Variants in CLIC2 observed in about 807,000 individuals in gnomAD.
The protein encoded by CLIC2 is CLIC family member 2.
In CLIC2, 9 loss-of-function variants were observed where a neutral mutation model predicts 14.8. The ratio of observed to expected loss-of-function variants is 0.61; its 90% CI spans 0.37 to 1.06. CLIC2 has a LOEUF of 1.06. Ranked by LOEUF, CLIC2 falls within the 50% of genes least tolerant of loss-of-function variation. CLIC2 has a pLI of 0.01. For missense variants in CLIC2, 148 were observed against 181.4 expected, an observed-to-expected ratio of 0.82 and a Z score of 1.06; for synonymous variants, 61 against 66.3, an observed-to-expected ratio of 0.92 and a Z score of 0.39.
intron 1 of CLIC2, among the ~76,000 whole-genome samples, chrX:155,315,699 A>G (rs1250890173): frequency 1.8e-5 from 2 of 110,900 alleles, no homozygotes; most frequent in Non-Finnish European, 3.8e-5. Flanking sequence ...CAATAACACA[A>G]TGAAAAAAAA....
intron 1 of CLIC2, among the ~76,000 whole-genome samples, chrX:155,313,676 G>A (rs2075083077): frequency 8.9e-6 from 1 of 112,248 alleles, no homozygotes; most frequent in Non-Finnish European, 1.9e-5. Flanking sequence ...CAGGGAAGCT[G>A]AGATAATCCA....
rs142460324 is a variant in CLIC2, at chrX:155,307,009, G to T, written c.58-7864C>A. Reference sequence around the variant, plus strand: ...AATTTTATATGCACTTGAGTTTATTGGTGGACCCTCTTTCTTCACTTACTC... The same window carrying T: ...AATTTTATATGCACTTGAGTTTATTTGTGGACCCTCTTTCTTCACTTACTC... On this transcript the variant is annotated intron_variant, in intron 1 of 5. Transcript: ENST00000369449. 7.0e-3 allele frequency among the ~76,000 whole-genome samples: 776 copies of T among 111,353 alleles called. 6 individuals are homozygous for T. The highest frequency in any genetic ancestry group is 0.024 in the African/African-American group (735 of 30,611).
In CLIC2 at chrX:155,334,604, C is replaced by T. The variant is rs782482486; in HGVS notation, c.-177G>A. ...CAGTCTCTTCTCTCAAGAGGTGTGA[C>T]GCAGAAAATTCTAGATGCTTAAGTG... On this transcript the variant is annotated 5_prime_UTR_variant, in exon 1 of 6. Coordinates refer to ENST00000369449, the MANE Select transcript of CLIC2 (RefSeq NM_001289.6). The T allele has an allele frequency of 3.9e-5, 18 of 456,922 alleles. No homozygotes were observed. Among genetic ancestry groups the T allele is most frequent in the South Asian group, 1.0e-4 (3 of 29,641 alleles). 37.7% of individuals were successfully genotyped at this position (456,922 alleles called of 1,213,427 possible). A position where few individuals can be genotyped will look rare whatever the true frequency, so the allele number is the denominator to read the frequency against.
Position 155,313,216 on chromosome X carries a change from C to T in CLIC2, c.58-14071G>A, listed in dbSNP as rs868922638. 5.1e-5 allele frequency among the ~76,000 whole-genome samples: 4 copies of T among 78,340 alleles called. No individual in the cohort carries two copies. In the South Asian group the frequency reaches 2.5e-3, roughly 49 times the overall value. The allele number at this position is 78,340 out of a possible 115,157, so 68.0% of individuals were successfully genotyped here. On this transcript the variant is annotated intron_variant, in intron 1 of 5. Coordinates refer to ENST00000369449, the MANE Select transcript of CLIC2 (RefSeq NM_001289.6). ...ATAAGGCAAAAAAAAAAAAAAAAAA[C>T]AAAACTACTGTCAAAGTTGCAGGGA... is the stretch of plus-strand genomic sequence containing the variant.
At chrX:155,305,503 C>T (rs980656671) in intron 1 of CLIC2, among the ~76,000 whole-genome samples, 1 of 112,123 alleles carries the variant, frequency 8.9e-6, no homozygotes, top group African/African-American at 3.2e-5. Flanking sequence ...GAACCCGGTA[C>T]CTCAGATGGA....
At chrX:155,326,514 C>T (rs781999558) in intron 1 of CLIC2, among the ~76,000 whole-genome samples, 1 of 111,994 alleles carries the variant, frequency 8.9e-6, no homozygotes, top group African/African-American at 3.2e-5. Context: ...CACTGGAAAG[C>T]ACTTTGGCAA....
chrX:155,280,998 T>TATATATATATATATATATAG (rs1363055833), intron 3 of CLIC2, among the ~76,000 whole-genome samples: 11 of 103,775 alleles, frequency 1.1e-4, no homozygotes, highest in African/African-American at 3.8e-4. Context: ...GAGATATATA[T>TATATATATATATATATATAG]ATATATATAT....
At chrX:155,321,171 C>T (rs1242668250) in intron 1 of CLIC2, among the ~76,000 whole-genome samples, 1 of 111,833 alleles carries the variant, frequency 8.9e-6, no homozygotes, top group Non-Finnish European at 1.9e-5. Flanking sequence ...CTTCCCCAAC[C>T]TAGCAAGGCA....
chrX:155,331,349 A>G (rs900325093), intron 1 of CLIC2, among the ~76,000 whole-genome samples: 2 of 111,303 alleles, frequency 1.8e-5, no homozygotes, highest in Admixed American at 1.9e-4. Context: ...TTAAAGTGCC[A>G]TCACATACAA....
rs1158546405 is a variant in CLIC2 at position 155,334,463 on chromosome X, C to T, written c.-36G>A. ...ACTGCCAGTTGTCAGCCTCCTGCCTCCTGTAGAGTCCACAATACTTGTAGA... is the reference window on the plus strand; with the variant it reads ...ACTGCCAGTTGTCAGCCTCCTGCCTTCTGTAGAGTCCACAATACTTGTAGA... On this transcript the variant is annotated 5_prime_UTR_variant, in exon 1 of 6. Coordinates refer to ENST00000369449, the MANE Select transcript of CLIC2 (RefSeq NM_001289.6). The T allele has an allele frequency of 2.8e-6, 3 of 1,088,236 alleles. No individual in the cohort carries two copies. The highest frequency in any genetic ancestry group is 3.8e-6 in the Non-Finnish European group (3 of 784,321). 89.7% of individuals were successfully genotyped at this position (1,088,236 alleles called of 1,213,427 possible).
chrX:155,331,264 C>A (rs930009109), intron 1 of CLIC2, among the ~76,000 whole-genome samples: 2 of 110,657 alleles, frequency 1.8e-5, no homozygotes, highest in African/African-American at 6.5e-5. Context: ...AATCAAAACA[C>A]TGAGGTGTGG....
intron 3 of CLIC2, chrX:155,290,929 C>T: frequency 1.4e-6 from 1 of 704,302 alleles, no homozygotes; most frequent in African/African-American, 2.1e-5. Context: ...TCTTCCTCAG[C>T]TGCAGTCAGT....
At chrX:155,292,435 A>T in intron 3 of CLIC2, 1 of 564,299 alleles carries the variant, frequency 1.8e-6, no homozygotes, top group Non-Finnish European at 3.2e-6. Flanking sequence ...CATTACAAAG[A>T]GTATTCCCAA....
At chrX:155,318,124 C>T (rs782451732) in intron 1 of CLIC2, among the ~76,000 whole-genome samples, 4 of 111,465 alleles carry the variant, frequency 3.6e-5, no homozygotes, top group Non-Finnish European at 7.5e-5. Flanking sequence ...AAGATGAAAG[C>T]ATTCCCCCTG....
chrX:155,333,016 A>C (rs1557322978), intron 1 of CLIC2, among the ~76,000 whole-genome samples: 1 of 112,375 alleles, frequency 8.9e-6, no homozygotes, highest in African/African-American at 3.2e-5. Context: ...AGATAGAAGA[A>C]GTCGCTCTTA....
At chrX:155,278,806 C>T (rs1003018901) in intron 5 of CLIC2, 113 of 165,440 alleles carry the variant, frequency 6.8e-4, no homozygotes, top group African/African-American at 3.0e-3. Flanking sequence ...CGTGGTGGCA[C>T]GCACCTGTAG....
chrX:155,304,576 C>G lies in CLIC2; in HGVS notation c.58-5431G>C, dbSNP rs1245820015. ...TTGATCATCTGAAGCCTTCTTCTCT[C>G]AGCTCGTCAAAGTCATTCTCCATCC... On this transcript the variant is annotated intron_variant, in intron 1 of 5. Coordinates refer to ENST00000369449, the MANE Select transcript of CLIC2 (RefSeq NM_001289.6). Among the ~76,000 whole-genome samples, 3 of 99,583 alleles carry G rather than the reference C, an allele frequency of 3.0e-5. No individual in the cohort carries two copies. The East Asian group carries it at 9.6e-4, about 32-fold the overall frequency. 86.5% of individuals were successfully genotyped at this position (99,583 alleles called of 115,157 possible). A position where few individuals can be genotyped will look rare whatever the true frequency, so the allele number is the denominator to read the frequency against.
Position 155,319,668 on chromosome X carries a change from T to G in CLIC2, c.57+14703A>C, listed in dbSNP as rs782655319. On this transcript the variant is annotated intron_variant, in intron 1 of 5. Transcript: ENST00000369449. The stretch of plus-strand genomic sequence containing the variant: ...ACACCAAGCTAGCTGCAGGAGTTTT[T>G]TTTTTCATACCCCAGTGGTGCCTAG... Among the ~76,000 whole-genome samples the G allele has an allele frequency of 5.4e-5, 6 of 111,350 alleles. No individual in the cohort carries two copies. In the South Asian group the frequency reaches 2.3e-3, roughly 42 times the overall value.
chrX:155,331,712 C>T (rs1314125785), intron 1 of CLIC2, among the ~76,000 whole-genome samples: 1 of 110,727 alleles, frequency 9.0e-6, no homozygotes, highest in Non-Finnish European at 1.9e-5. Flanking sequence ...TGACATACAT[C>T]CTCTTCTCAC....
Sources: allele counts gnomAD v4.1 joint callset (sites outside exome capture counted in the v4.1 genomes callset), GRCh38; gene constraint gnomAD v4.1.1; transcripts MANE v1.5; gene names NCBI Gene and HGNC (gene_info 2026-07-23, HGNC 2026-07-21).